CLRN1: variants seen among roughly 807,000 people sequenced by gnomAD.
CLRN1 encodes the protein clarin-1.
CLRN1 carries 15 observed loss-of-function variants against 18.7 expected under a neutral mutation model. The observed-to-expected ratio is 0.80, with a 90% confidence interval of 0.54 to 1.23. The LOEUF (loss-of-function observed/expected upper bound fraction) is 1.23. Ranked by LOEUF, CLRN1 falls within the 50% of genes most tolerant of loss-of-function variation. The pLI is 0.00. For synonymous variants in CLRN1, 104 were observed against 102.9 expected, an observed-to-expected ratio of 1.01 and a Z score of -0.07; for missense variants, 311 against 277.5, an observed-to-expected ratio of 1.12 and a Z score of -0.86.
At chr3:150,931,368 G>A (rs964139915) in intron 2 of CLRN1, among the ~76,000 whole-genome samples, 2 of 152,156 alleles carry the variant, frequency 1.3e-5, no homozygotes, top group Non-Finnish European at 2.9e-5. Flanking sequence ...ACATTTAGAG[G>A]GTTCTGCTCT....
intron 1 of CLRN1, among the ~76,000 whole-genome samples, chr3:150,947,635 A>G (rs1714246317): frequency 6.6e-6 from 1 of 152,204 alleles, no homozygotes; most frequent in South Asian, 2.1e-4. Context: ...ATACTCTAAA[A>G]TCAACCACAT....
At position 150,926,826 on chromosome 3, in the gene CLRN1, G is replaced by A; in HGVS notation, c.*1110C>T. ...TGCTTTCTGGAGGACAGCAGGTTGAGGATGAAGGAAGGGTCAGTTCCAGGC... is the reference window on the plus strand; with the variant it reads ...TGCTTTCTGGAGGACAGCAGGTTGAAGATGAAGGAAGGGTCAGTTCCAGGC... On this transcript the variant is annotated 3_prime_UTR_variant, in exon 3 of 3. Transcript: ENST00000327047. 1 of 1,614,072 alleles carries A rather than the reference G, an allele frequency of 6.2e-7. No individual in the cohort carries two copies.
At chr3:150,958,868 G>A (rs1298969177) in intron 1 of CLRN1, among the ~76,000 whole-genome samples, 1 of 152,190 alleles carries the variant, frequency 6.6e-6, no homozygotes, top group African/African-American at 2.4e-5. Context: ...AAGTGGAGGT[G>A]GCATGTGTCA....
intron 2 of CLRN1, among the ~76,000 whole-genome samples, chr3:150,933,915 C>T (rs191830771): frequency 6.6e-6 from 1 of 152,228 alleles, no homozygotes; most frequent in East Asian, 1.9e-4. Context: ...TTCTCTTTTC[C>T]TTCTGTGGCC....
chr3:150,969,738 A>G (rs1715443405), intron 1 of CLRN1, among the ~76,000 whole-genome samples: 1 of 152,138 alleles, frequency 6.6e-6, no homozygotes, highest in African/African-American at 2.4e-5. Flanking sequence ...TTAATTGATA[A>G]TAACATGACA....
chr3:150,943,336 CA>C (rs886580021), intron 1 of CLRN1, among the ~76,000 whole-genome samples: 41 of 152,064 alleles, frequency 2.7e-4, no homozygotes, highest in African/African-American at 9.7e-4. Context: ...TTGCCTTTTC[CA>C]AAATTATGTA....
intron 2 of CLRN1, chr3:150,941,368 G>A (rs1368627286): frequency 7.6e-6 from 4 of 523,312 alleles, no homozygotes; most frequent in Non-Finnish European, 1.3e-5. Context: ...TTTAATGTCA[G>A]CATCACAGTT....
chr3:150,929,586 A>T (rs1267651160), intron 2 of CLRN1, among the ~76,000 whole-genome samples: 1 of 152,240 alleles, frequency 6.6e-6, no homozygotes, highest in Non-Finnish European at 1.5e-5. Context: ...GCTAATATAA[A>T]TAAAGCATGA....
Position 150,927,952 on chromosome 3 carries a change from G to A in CLRN1, c.683C>T (p.Ala228Val), listed in dbSNP as rs1371448046. The change falls in exon 3 of 3, where the codon GCA becomes GTA. Residue 228 changes from alanine to valine, a missense_variant. Coordinates refer to ENST00000327047, the MANE Select transcript of CLRN1 (RefSeq NM_174878.3). ...SKDAETTNVAADLMY is the reference protein window; with the variant it reads ...SKDAETTNVAVDLMY ...GTTTGCCTTTCAGTACATTAGATCT[G>A]CAGCTACATTAGTTGTTTCTGCGTC... 1.2e-6 allele frequency: 2 copies of A among 1,614,128 alleles called. No homozygotes were observed. The highest frequency in any genetic ancestry group is 8.5e-7 in the Non-Finnish European group (1 of 1,180,022).
At chr3:150,944,499 G>A (rs941107052) in intron 1 of CLRN1, among the ~76,000 whole-genome samples, 1 of 151,878 alleles carries the variant, frequency 6.6e-6, no homozygotes, top group African/African-American at 2.4e-5. Flanking sequence ...GCTGGCCTAC[G>A]GTGGGAGAGG....
At chr3:150,937,855 T>C (rs1713583551) in intron 2 of CLRN1, among the ~76,000 whole-genome samples, 1 of 152,210 alleles carries the variant, frequency 6.6e-6, no homozygotes, top group African/African-American at 2.4e-5. Flanking sequence ...GGTTGCTTTC[T>C]TTCCTTTTCT....
chr3:150,927,636 A>G lies in CLRN1; in HGVS notation c.*300T>C, dbSNP rs529375852. 2.3e-4 allele frequency: 111 copies of G among 478,996 alleles called. No homozygotes were observed. The highest frequency in any genetic ancestry group is 1.8e-3 in the African/African-American group (78 of 42,282). 29.7% of individuals were successfully genotyped at this position (478,996 alleles called of 1,614,324 possible). On this transcript the variant is annotated 3_prime_UTR_variant, in exon 3 of 3. Transcript: ENST00000327047. ...TTTTTGATAGGAAGACATCTTACACACACACACACACACACACACACACAT... is the reference window on the plus strand; with the variant it reads ...TTTTTGATAGGAAGACATCTTACACGCACACACACACACACACACACACAT...
intron 1 of CLRN1, among the ~76,000 whole-genome samples, chr3:150,942,102 T>C (rs1223784081): frequency 6.6e-6 from 1 of 152,156 alleles, no homozygotes; most frequent in Non-Finnish European, 1.5e-5. Flanking sequence ...CGGTAGTCAT[T>C]TAAAAAAATT....
chr3:150,970,717 G>A (rs1360905174), intron 1 of CLRN1, among the ~76,000 whole-genome samples: 1 of 152,152 alleles, frequency 6.6e-6, no homozygotes, highest in African/African-American at 2.4e-5. Flanking sequence ...GTATCTGGGA[G>A]CTAATGAAAT....
intron 1 of CLRN1, among the ~76,000 whole-genome samples, chr3:150,960,688 A>G (rs993058227): frequency 1.3e-5 from 2 of 152,346 alleles, no homozygotes; most frequent in Middle Eastern, 3.4e-3. Context: ...CTTTGGACTG[A>G]TAACACACCT....
At chr3:150,929,868 A>G (rs1256509988) in intron 2 of CLRN1, among the ~76,000 whole-genome samples, 1 of 152,206 alleles carries the variant, frequency 6.6e-6, no homozygotes, top group Non-Finnish European at 1.5e-5. Context: ...TTTTTCTCCA[A>G]ATACTCTCCC....
chr3:150,933,883 A>G (rs576822438), intron 2 of CLRN1, among the ~76,000 whole-genome samples: 7 of 152,212 alleles, frequency 4.6e-5, no homozygotes, highest in Non-Finnish European at 8.8e-5. Context: ...GCCCATTGCC[A>G]ACATCAGCTG....
At chr3:150,933,984 G>A (rs1340546814) in intron 2 of CLRN1, among the ~76,000 whole-genome samples, 1 of 152,134 alleles carries the variant, frequency 6.6e-6, no homozygotes, top group Non-Finnish European at 1.5e-5. Flanking sequence ...GGGTTTTCCT[G>A]CCACAAATCC....
chr3:150,943,364 C>T (rs536670001), intron 1 of CLRN1, among the ~76,000 whole-genome samples: 1 of 152,234 alleles, frequency 6.6e-6, no homozygotes, highest in South Asian at 2.1e-4. Flanking sequence ...GCCCCACCAC[C>T]TATCCTCTGC....
Sources: allele counts gnomAD v4.1 joint callset (sites outside exome capture counted in the v4.1 genomes callset), GRCh38; gene constraint gnomAD v4.1.1; transcripts MANE v1.5; gene names NCBI Gene and HGNC (gene_info 2026-07-23, HGNC 2026-07-21).